The following USP8 variants were observed in gnomAD, a reference collection of about 807,000 sequenced individuals.
USP8 encodes ubiquitin specific peptidase 8, also known as ubiquitin carboxyl-terminal hydrolase 8.
Under a neutral mutation model 130.0 loss-of-function variants are expected in USP8, and 27 were observed. The ratio of observed to expected loss-of-function variants is 0.21; its 90% CI spans 0.15 to 0.29. The LOEUF is 0.29. Ranked by LOEUF, USP8 falls within the 10% of genes least tolerant of loss-of-function variation. The pLI, the probability that USP8 is intolerant of heterozygous loss-of-function variation, is 1.00. For missense variants in USP8, 1,029 were observed against 1,312.2 expected (o/e 0.78, Z 3.33); for synonymous variants, 392 against 444.1 (o/e 0.88, Z 1.48).
rs2052750183 is a variant in USP8 at position 50,512,392 on chromosome 15, C to T, written c.*13304C>T. On this transcript the variant is annotated 3_prime_UTR_variant, in exon 20 of 20. Transcript: ENST00000307179. ...TGAGAAGACTAGTAGTTGCTATGGA[C>T]TGGGGGAGAAGGAACGGGTTACAGG... 1 of 151,652 alleles carries T rather than the reference C, an allele frequency of 6.6e-6. No individual in the cohort carries two copies. The highest frequency in any genetic ancestry group is 1.5e-5 in the Non-Finnish European group (1 of 68,060). The allele number at this position is 151,652 out of a possible 1,614,324, so 9.4% of individuals were successfully genotyped here.
intron 4 of USP8, among the ~76,000 whole-genome samples, chr15:50,454,797 T>C (rs1335595070): frequency 6.6e-6 from 1 of 152,066 alleles, no homozygotes; most frequent in African/African-American, 2.4e-5. Context: ...TTTTTTTCTT[T>C]TGAGACAATG....
intron 2 of USP8, among the ~76,000 whole-genome samples, chr15:50,440,670 G>A (rs953728440): frequency 1.3e-5 from 2 of 152,038 alleles, no homozygotes; most frequent in Non-Finnish European, 2.9e-5. Context: ...GGTGATGGTC[G>A]ACAGTGACAG....
intron 5 of USP8, among the ~76,000 whole-genome samples, chr15:50,461,982 C>G (rs910693004): frequency 6.6e-6 from 1 of 152,128 alleles, no homozygotes; most frequent in African/African-American, 2.4e-5. Flanking sequence ...ACTTTCTAAT[C>G]AAATTAAATA....
At chr15:50,494,362 C>G in intron 16 of USP8, 82 bp downstream of exon 16, 1 of 1,232,550 alleles carries the variant, frequency 8.1e-7, no homozygotes, top group Non-Finnish European at 1.1e-6. Context: ...GTTTAAAATT[C>G]TAGTTGGTGA....
chr15:50,437,004 TG>T (rs5812517), intron 1 of USP8, among the ~76,000 whole-genome samples: 23,536 of 151,894 alleles, frequency 0.15, 2,380 homozygotes, highest in East Asian at 0.42. Flanking sequence ...TAAATCAATA[TG>T]TTTTTTTAAA....
At position 50,502,554 on chromosome 15, in the gene USP8, G is replaced by C. The variant is rs2052606146; in HGVS notation, c.*3466G>C. 1.3e-5 allele frequency: 2 copies of C among 152,278 alleles called. No homozygotes were observed. 9.4% of individuals were successfully genotyped at this position (152,278 alleles called of 1,614,324 possible). A position where few individuals can be genotyped will look rare whatever the true frequency, so the allele number is the denominator to read the frequency against. ...CAGCTAATTTTTTGTATTTTTAGTA[G>C]AGATGGGGTTTCGCCGTGTTGGCCA... On this transcript the variant is annotated 3_prime_UTR_variant, in exon 20 of 20. Coordinates refer to ENST00000307179, the MANE Select transcript of USP8 (RefSeq NM_005154.5).
chr15:50,477,302 G>A lies in USP8; in HGVS notation c.1021G>A (p.Glu341Lys). 3.1e-6 allele frequency: 5 copies of A among 1,612,512 alleles called. No individual in the cohort carries two copies. Among genetic ancestry groups the A allele is most frequent in the Non-Finnish European group, 4.2e-6 (5 of 1,179,704 alleles). Residue 341 changes from glutamate to lysine, a missense_variant, in exon 10 of 20, where the codon GAA (glutamate) becomes AAA (lysine). By Grantham distance (56) the Glu-to-Lys change is moderately conservative. Coordinates refer to ENST00000307179, the MANE Select transcript of USP8 (RefSeq NM_005154.5). ...SLDFTYPSLE[E>K]SIPSKPAAQT... ...GGATTTTACTTATCCCTCATTGGAA[G>A]AATCAATTCCTTCTAAACCTGCTGC...
chr15:50,442,928 A>G (rs1033723665), intron 3 of USP8, among the ~76,000 whole-genome samples: 2 of 152,222 alleles, frequency 1.3e-5, no homozygotes, highest in Admixed American at 1.3e-4. Flanking sequence ...GCCACCCTCA[A>G]TTAATAATGA....
At chr15:50,426,687 T>C (rs1352476460) in intron 1 of USP8, among the ~76,000 whole-genome samples, 4 of 152,162 alleles carry the variant, frequency 2.6e-5, no homozygotes, top group Non-Finnish European at 5.9e-5. Flanking sequence ...CGAGAATACA[T>C]GTTTGAGGAG....
intron 1 of USP8, chr15:50,426,817 G>A (rs1167529311): frequency 6.6e-6 from 1 of 152,156 alleles, no homozygotes; most frequent in African/African-American, 2.4e-5. Context: ...ACCTTTGAAA[G>A]GAAAAATGTC....
intron 4 of USP8, among the ~76,000 whole-genome samples, chr15:50,451,325 C>T (rs947805796): frequency 6.6e-6 from 1 of 152,076 alleles, no homozygotes; most frequent in Admixed American, 6.6e-5. Flanking sequence ...GCAGGAGAAT[C>T]GCTTCAGCCT....
chr15:50,448,290 ATGT>A (rs2050506227), intron 3 of USP8, among the ~76,000 whole-genome samples: 1 of 152,160 alleles, frequency 6.6e-6, no homozygotes, highest in Non-Finnish European at 1.5e-5. Flanking sequence ...TCATATTGAC[ATGT>A]TGTGGCAAAT....
Position 50,474,661 on chromosome 15 carries a change from G to T in USP8, c.850-2188G>T, listed in dbSNP as rs577895166. On this transcript the variant is annotated intron_variant, in intron 8 of 19. Transcript: ENST00000307179. The stretch of plus-strand genomic sequence containing the variant: ...ACAACTGCCCAGCCAGTAAATAAAA[G>T]AGAATGGATCCCTACCTTATTTCTT... Among the ~76,000 whole-genome samples, 214 of 152,336 alleles carry T rather than the reference G, an allele frequency of 1.4e-3. 2 individuals carry two copies. Among genetic ancestry groups the T allele is most frequent in the African/African-American group, 5.1e-3 (211 of 41,586 alleles).
rs889730081 is a variant in USP8, at chr15:50,504,817, A to C, written c.*5729A>C. ...ACATGGTGAAACCCTGTCTCTATTA[A>C]AAAAAACAAAAAAAATTAGCTGGGC... is the stretch of plus-strand genomic sequence containing the variant. On this transcript the variant is annotated 3_prime_UTR_variant, in exon 20 of 20. Transcript: ENST00000307179. 3.7e-5 allele frequency: 4 copies of C among 107,048 alleles called. No individual in the cohort carries two copies. Among genetic ancestry groups the C allele is most frequent in the Admixed American group, 1.1e-4 (1 of 9,338 alleles). The allele number at this position is 107,048 out of a possible 1,614,324, so 6.6% of individuals were successfully genotyped here.
intron 4 of USP8, among the ~76,000 whole-genome samples, chr15:50,453,545 C>G (rs1350122425): frequency 6.6e-6 from 1 of 152,090 alleles, no homozygotes; most frequent in African/African-American, 2.4e-5. Flanking sequence ...AGCATATGGT[C>G]TCTTGGTGAA....
intron 12 of USP8, among the ~76,000 whole-genome samples, chr15:50,488,175 A>AT (rs1555391321): frequency 2.0e-5 from 3 of 152,048 alleles, no homozygotes; most frequent in Non-Finnish European, 4.4e-5. Flanking sequence ...TCTAAGGAAC[A>AT]TTTTTTCTGA....
chr15:50,438,456 A>G (rs566037514), intron 1 of USP8, among the ~76,000 whole-genome samples: 42 of 152,322 alleles, frequency 2.8e-4, no homozygotes, highest in African/African-American at 9.4e-4. Context: ...CATGGTGGCG[A>G]ACGCCTGGAA....
rs2052777625 is a variant in USP8 at position 50,514,243 on chromosome 15, G to A, written c.*15155G>A. On this transcript the variant is annotated 3_prime_UTR_variant, in exon 20 of 20. Coordinates refer to ENST00000307179, the MANE Select transcript of USP8 (RefSeq NM_005154.5). ...TAAATCTGTCCTGCCAGAAGTCAGT[G>A]GTTTTCCAGACTCGAAGGCAGGTAC... The A allele has an allele frequency of 6.6e-6, 1 of 152,150 alleles. No homozygotes were observed. Among genetic ancestry groups the A allele is most frequent in the African/African-American group, 2.4e-5 (1 of 41,426 alleles). The allele number at this position is 152,150 out of a possible 1,614,324, so 9.4% of individuals were successfully genotyped here. A position where few individuals can be genotyped will look rare whatever the true frequency, so the allele number is the denominator to read the frequency against.
intron 18 of USP8, 38 bp from the exon 19 acceptor site, chr15:50,498,558 T>G (rs1277557614): frequency 1.3e-6 from 2 of 1,557,216 alleles, no homozygotes; most frequent in Non-Finnish European, 1.7e-6. Context: ...TCCTGGTATC[T>G]TCCTCTGTCA....
Sources: gnomAD v4.1 joint callset for allele counts (sites outside exome capture counted in the v4.1 genomes callset) on GRCh38, gnomAD v4.1.1 for gene constraint, MANE v1.5 for transcripts, NCBI Gene and HGNC (gene_info 2026-07-23, HGNC 2026-07-21) for gene names.